The following CYFIP1 variants were observed in gnomAD, a reference collection of about 807,000 sequenced individuals.
The protein encoded by CYFIP1 is cytoplasmic FMR1 interacting protein 1.
CYFIP1 carries 58 observed loss-of-function variants against 163.5 expected under a neutral mutation model. That is an observed-to-expected ratio of 0.35 (90% CI 0.29 to 0.44). CYFIP1 has a LOEUF of 0.44. Ranked by LOEUF, CYFIP1 falls within the 20% of genes least tolerant of loss-of-function variation. The pLI is 1.00. For synonymous variants in CYFIP1, 663 were observed against 660.7 expected (o/e 1.00, Z -0.05); for missense variants, 1,338 against 1,653.8 (o/e 0.81, Z 3.31).
At chr15:22,893,079 G>A in intron 22 of CYFIP1, 102 bp from the exon 23 acceptor site, 3 of 788,890 alleles carry the variant, frequency 3.8e-6, no homozygotes, top group Non-Finnish European at 6.2e-6. Context: ...CTTCCTCCCA[G>A]TCAACTGATA....
At chr15:22,906,970 T>G (rs1001634958) in intron 21 of CYFIP1, among the ~76,000 whole-genome samples, 7 of 152,100 alleles carry the variant, frequency 4.6e-5, no homozygotes, top group Non-Finnish European at 8.8e-5. Flanking sequence ...AAATAAGCTC[T>G]CTCATGCTTC....
At chr15:22,962,672 G>A (rs2062727403) in intron 1 of CYFIP1, among the ~76,000 whole-genome samples, 1 of 152,040 alleles carries the variant, frequency 6.6e-6, no homozygotes, top group African/African-American at 2.4e-5. Context: ...CCAAAGTGCT[G>A]AGATTACAGA....
intron 1 of CYFIP1, among the ~76,000 whole-genome samples, chr15:22,979,554 G>A (rs983214980): frequency 4.6e-5 from 7 of 152,162 alleles, no homozygotes; most frequent in Non-Finnish European, 8.8e-5. Flanking sequence ...AGCTGACACC[G>A]TCCAGACGCC....
chr15:22,976,320 A>G lies in CYFIP1; in HGVS notation c.-7+3967T>C, dbSNP rs147481270. Among the ~76,000 whole-genome samples, 564 of 152,134 alleles carry G rather than the reference A, an allele frequency of 3.7e-3. 5 individuals carry two copies. The highest frequency in any genetic ancestry group is 0.013 in the African/African-American group (529 of 41,528). ...CTACAGGCGCACGCCACCATGCCCA[A>G]CTAATTTTTGTATTTTTAGTAGAGA... On this transcript the variant is annotated intron_variant, in intron 1 of 30. Coordinates refer to ENST00000617928, the MANE Select transcript of CYFIP1 (RefSeq NM_014608.6).
intron 12 of CYFIP1, 77 bp downstream of exon 12, chr15:22,927,829 C>T: frequency 1.4e-6 from 2 of 1,453,764 alleles, no homozygotes; most frequent in Non-Finnish European, 9.1e-7. Context: ...GATAAAAAGC[C>T]CAAAGACCAA....
intron 1 of CYFIP1, among the ~76,000 whole-genome samples, chr15:22,971,007 C>A (rs951057779): frequency 6.6e-6 from 1 of 151,944 alleles, no homozygotes; most frequent in African/African-American, 2.4e-5. Flanking sequence ...ACCCGGGAGG[C>A]GGAGCTTGCA....
intron 1 of CYFIP1, among the ~76,000 whole-genome samples, chr15:22,961,569 A>G (rs2062683825): frequency 6.6e-6 from 1 of 151,952 alleles, no homozygotes; most frequent in Non-Finnish European, 1.5e-5. Context: ...TTGTAGAGAC[A>G]GAGTCTTGCC....
intron 25 of CYFIP1, among the ~76,000 whole-genome samples, chr15:22,881,605 C>T (rs559819866): frequency 1.3e-5 from 2 of 152,088 alleles, no homozygotes; most frequent in African/African-American, 4.8e-5. Context: ...GCAATTCTTT[C>T]GTAGGGGTGC....
At chr15:22,946,071 G>C (rs777392216) in intron 3 of CYFIP1, among the ~76,000 whole-genome samples, 17 of 151,568 alleles carry the variant, frequency 1.1e-4, no homozygotes, top group Non-Finnish European at 2.2e-4. Context: ...TGGGAGGCTG[G>C]GCAGGCGGAT....
chr15:22,881,417 T>C (rs2059758483), intron 25 of CYFIP1, among the ~76,000 whole-genome samples: 1 of 152,170 alleles, frequency 6.6e-6, no homozygotes, highest in Non-Finnish European at 1.5e-5. Flanking sequence ...CACGTGGGCC[T>C]GTCCCTAAGA....
chr15:22,924,564 C>T (rs1483882990), intron 13 of CYFIP1, among the ~76,000 whole-genome samples: 1 of 152,096 alleles, frequency 6.6e-6, no homozygotes, highest in African/African-American at 2.4e-5. Flanking sequence ...AGAGTGGTGG[C>T]TGCATACGGT....
At chr15:22,970,090 A>C (rs138907006) in intron 1 of CYFIP1, among the ~76,000 whole-genome samples, 4 of 152,346 alleles carry the variant, frequency 2.6e-5, no homozygotes, top group African/African-American at 9.6e-5. Context: ...TTGCATTTCT[A>C]TATTTTAGCA....
Position 22,881,843 on chromosome 15 carries a change from C to T in CYFIP1, c.2911+3G>A. The T allele has an allele frequency of 6.2e-7, 1 of 1,609,962 alleles. No individual in the cohort carries two copies. Among genetic ancestry groups the T allele is most frequent in the Non-Finnish European group, 8.5e-7 (1 of 1,179,854 alleles). On this transcript the variant is annotated splice_donor_region_variant and intron_variant, in intron 25 of 30. Transcript: ENST00000617928. ...ACTGTGAGCTCCACACGCCCGCACT[C>T]ACCAGGAGAGCCGTACTCGTGCCGG...
intron 1 of CYFIP1, among the ~76,000 whole-genome samples, chr15:22,949,910 C>T (rs1222053811): frequency 6.6e-6 from 1 of 151,862 alleles, no homozygotes; most frequent in Non-Finnish European, 1.5e-5. Flanking sequence ...GGGAGGATCA[C>T]TTGAGTCCAG....
At chr15:22,941,792 G>A (rs983503795) in intron 6 of CYFIP1, among the ~76,000 whole-genome samples, 5 of 151,972 alleles carry the variant, frequency 3.3e-5, no homozygotes, top group Non-Finnish European at 7.4e-5. Flanking sequence ...TTAGAATAAA[G>A]GTGCTAGTGC....
intron 22 of CYFIP1, 77 bp from the exon 23 acceptor site, chr15:22,893,054 A>G (rs1446433534): frequency 1.9e-6 from 2 of 1,033,606 alleles, no homozygotes. Context: ...GTCCTCCATA[A>G]TCCATCTACT....
chr15:22,957,471 C>T (rs1480165591), intron 1 of CYFIP1, among the ~76,000 whole-genome samples: 7 of 152,276 alleles, frequency 4.6e-5, no homozygotes, highest in African/African-American at 1.4e-4. Flanking sequence ...CCCACCTCTA[C>T]TAAAAATACA....
chr15:22,957,257 C>G lies in CYFIP1; in HGVS notation c.-6-9966G>C, dbSNP rs2062494860. On this transcript the variant is annotated intron_variant, in intron 1 of 30. Coordinates refer to ENST00000617928, the MANE Select transcript of CYFIP1 (RefSeq NM_014608.6). ...GTGGCTCACGCCTGTAATCCCAGCA[C>G]TCTGGGAGGCCGAGGCAGGCGGATC... Among the ~76,000 whole-genome samples the G allele has an allele frequency of 1.3e-5, 2 of 152,250 alleles. 1 individual carries two copies. The highest frequency in any genetic ancestry group is 2.9e-5 in the Non-Finnish European group (2 of 68,048).
chr15:22,899,666 C>T (rs1234273304), intron 22 of CYFIP1, among the ~76,000 whole-genome samples: 9 of 152,180 alleles, frequency 5.9e-5, no homozygotes, highest in African/African-American at 1.2e-4. Context: ...TTTTGTAAAT[C>T]GCCCAGCCTC....
Sources: allele counts gnomAD v4.1 joint callset (sites outside exome capture counted in the v4.1 genomes callset), GRCh38; gene constraint gnomAD v4.1.1; transcripts MANE v1.5; gene names NCBI Gene and HGNC (gene_info 2026-07-23, HGNC 2026-07-21).